Variants in EXT1 observed in about 807,000 individuals in gnomAD.
EXT1 encodes exostosin glycosyltransferase 1.
Under a neutral mutation model 82.5 loss-of-function variants are expected in EXT1, and 20 were observed. The observed-to-expected ratio is 0.24, with a 90% CI of 0.17 to 0.35. The LOEUF (loss-of-function observed/expected upper bound fraction) is 0.35. EXT1 is among the 10% of genes least tolerant of loss of function. The pLI is 1.00. For synonymous variants in EXT1, 348 were observed against 350.8 expected (o/e 0.99, Z 0.09); for missense variants, 757 against 936.5 (o/e 0.81, Z 2.50).
intron 1 of EXT1, among the ~76,000 whole-genome samples, chr8:118,049,638 A>G (rs1816686355): frequency 6.6e-6 from 1 of 152,214 alleles, no homozygotes; most frequent in Non-Finnish European, 1.5e-5. Flanking sequence ...TGTGTAACTT[A>G]AGTCAGAAAG....
At chr8:117,972,177 A>G (rs939462373) in intron 1 of EXT1, among the ~76,000 whole-genome samples, 2 of 151,844 alleles carry the variant, frequency 1.3e-5, no homozygotes, top group African/African-American at 4.8e-5. Context: ...GAAAGAAAAA[A>G]AAGAAAAATG....
intron 7 of EXT1, among the ~76,000 whole-genome samples, chr8:117,814,480 A>G (rs1312564091): frequency 6.6e-6 from 1 of 152,100 alleles, no homozygotes; most frequent in Non-Finnish European, 1.5e-5. Flanking sequence ...TCTTTATAAC[A>G]ACCCCATTTT....
chr8:117,896,420 A>C (rs1165469329), intron 1 of EXT1, among the ~76,000 whole-genome samples: 1 of 152,224 alleles, frequency 6.6e-6, no homozygotes, highest in Non-Finnish European at 1.5e-5. Flanking sequence ...AGAAAGCAAA[A>C]AACAATGAAG....
At chr8:117,858,619 A>T (rs1303920457) in intron 1 of EXT1, among the ~76,000 whole-genome samples, 1 of 151,486 alleles carries the variant, frequency 6.6e-6, no homozygotes, top group Non-Finnish European at 1.5e-5. Flanking sequence ...CGGAAGTTGC[A>T]GTGAGCTGAG....
chr8:117,848,826 C>T (rs1812407347), intron 1 of EXT1, among the ~76,000 whole-genome samples: 1 of 152,180 alleles, frequency 6.6e-6, no homozygotes, highest in African/African-American at 2.4e-5. Context: ...AGAATGAGTT[C>T]AATCGTATCT....
At chr8:117,835,692 G>A (rs1392522756) in intron 2 of EXT1, 141 bp from the exon 3 acceptor site, 4 of 694,524 alleles carry the variant, frequency 5.8e-6, no homozygotes, top group Non-Finnish European at 1.0e-5. Flanking sequence ...AGAAGGAAAG[G>A]AAGCTTTTAT....
intron 1 of EXT1, among the ~76,000 whole-genome samples, chr8:117,957,143 A>G (rs1288477036): frequency 6.6e-6 from 1 of 152,198 alleles, no homozygotes; most frequent in East Asian, 1.9e-4. Flanking sequence ...TACACACACA[A>G]CGAGGGGAAG....
chr8:117,891,433 C>T (rs529236116), intron 1 of EXT1, among the ~76,000 whole-genome samples: 1 of 152,156 alleles, frequency 6.6e-6, no homozygotes, highest in South Asian at 2.1e-4. Context: ...TGTCACTTAC[C>T]CTGCTCTTGA....
intron 1 of EXT1, among the ~76,000 whole-genome samples, chr8:117,918,141 C>T (rs749143571): frequency 6.6e-6 from 1 of 152,198 alleles, no homozygotes. Flanking sequence ...ACAAAAGAGA[C>T]GTCACTACAC....
intron 1 of EXT1, among the ~76,000 whole-genome samples, chr8:118,042,560 G>A (rs1816552149): frequency 2.0e-5 from 3 of 152,122 alleles, no homozygotes; most frequent in Non-Finnish European, 4.4e-5. Context: ...CTCCCAAAGT[G>A]CTGGGATTAC....
chr8:118,009,461 G>A (rs1010070516), intron 1 of EXT1, among the ~76,000 whole-genome samples: 1 of 151,970 alleles, frequency 6.6e-6, no homozygotes, highest in Admixed American at 6.6e-5. Flanking sequence ...CAAAGCAAGT[G>A]AATGACCAGA....
chr8:118,100,243 G>C (rs1480659715), intron 1 of EXT1, among the ~76,000 whole-genome samples: 1 of 152,132 alleles, frequency 6.6e-6, no homozygotes, highest in South Asian at 2.1e-4. Flanking sequence ...CAGGTATTGT[G>C]GTGGGTCCTG....
intron 1 of EXT1, among the ~76,000 whole-genome samples, chr8:118,059,853 G>C (rs1350024163): frequency 6.6e-6 from 1 of 152,168 alleles, no homozygotes; most frequent in Non-Finnish European, 1.5e-5. Context: ...ATAATACAGA[G>C]AAAAGACCTC....
At chr8:117,809,247 T>TATATAATTAC (rs2129708866) in intron 8 of EXT1, among the ~76,000 whole-genome samples, 1 of 72,302 alleles carries the variant, frequency 1.4e-5, no homozygotes, top group African/African-American at 4.1e-5. Context: ...ATATATATTA[T>TATATAATTAC]GTTCTATTGA....
intron 3 of EXT1, chr8:117,831,562 G>C: frequency 2.1e-6 from 1 of 471,042 alleles, no homozygotes; most frequent in South Asian, 1.5e-5. Context: ...CTTTAGGGAA[G>C]ATTCCTTGTG....
chr8:117,949,525 A>C (rs1441313091), intron 1 of EXT1, among the ~76,000 whole-genome samples: 5 of 149,058 alleles, frequency 3.4e-5, no homozygotes, highest in Non-Finnish European at 7.4e-5. Flanking sequence ...ATATAAATAT[A>C]ATATATATAC....
chr8:117,941,995 G>T (rs1814290930), intron 1 of EXT1, among the ~76,000 whole-genome samples: 1 of 152,132 alleles, frequency 6.6e-6, no homozygotes, highest in Admixed American at 6.5e-5. Flanking sequence ...GGACAACTGA[G>T]GATCAAAGTA....
Position 117,837,140 on chromosome 8 carries a change from G to T in EXT1, c.1024C>A (p.Leu342Ile). ...GCCTCCAGGAATCTGAAGGACCCAA[G>T]CCTGCGACCACGAGGAACCAGACAG... ...TFCLVPRGRR[L>I]GSFRFLEALQ... is the part of the protein sequence containing the mutation. Residue 342 changes from leucine to isoleucine, a missense_variant, in exon 2 of 11, where the codon CTT becomes ATT. Physicochemically the swap from Leu to Ile is conservative, Grantham distance 5. This residue lies in a region of EXT1 where 247 missense variants were observed against 330.1 expected (regional missense o/e 0.75). Coordinates refer to ENST00000378204, the MANE Select transcript of EXT1 (RefSeq NM_000127.3). The T allele has an allele frequency of 6.2e-7, 1 of 1,614,076 alleles. No homozygotes were observed. Among genetic ancestry groups the T allele is most frequent in the East Asian group, 2.2e-5 (1 of 44,878 alleles).
intron 1 of EXT1, among the ~76,000 whole-genome samples, chr8:117,846,854 G>C (rs1384833511): frequency 2.0e-5 from 3 of 152,136 alleles, no homozygotes; most frequent in Non-Finnish European, 2.9e-5. Flanking sequence ...TGAGTCCCAG[G>C]AGGCTGGCTG....
Sources: allele counts gnomAD v4.1 joint callset (sites outside exome capture counted in the v4.1 genomes callset), GRCh38; gene constraint gnomAD v4.1.1; regional missense constraint gnomAD v4.1.1; transcripts MANE v1.5; gene names NCBI Gene and HGNC (gene_info 2026-07-23, HGNC 2026-07-21).